The following ZSWIM5 variants were observed in gnomAD, a reference collection of about 807,000 sequenced individuals.
ZSWIM5 encodes the protein zinc finger SWIM-type containing 5.
ZSWIM5 carries 55 observed loss-of-function variants against 119.6 expected under a neutral mutation model. The observed-to-expected ratio is 0.46, with a 90% CI of 0.37 to 0.58. The LOEUF (loss-of-function observed/expected upper bound fraction) is 0.58, where lower values mean the gene tolerates loss of function less well. Ranked by LOEUF, ZSWIM5 falls within the 20% of genes least tolerant of loss-of-function variation. The pLI, the probability that ZSWIM5 is intolerant of heterozygous loss-of-function variation, is 0.00. For missense variants in ZSWIM5, 1,193 were observed against 1,512.8 expected (o/e 0.79, Z 3.51); for synonymous variants, 537 against 606.9 (o/e 0.88, Z 1.69).
chr1:45,183,464 G>T (rs1646035738), intron 1 of ZSWIM5, among the ~76,000 whole-genome samples: 1 of 152,012 alleles, frequency 6.6e-6, no homozygotes, highest in Non-Finnish European at 1.5e-5. Context: ...CCAGGAGCTG[G>T]TTTTTTGAAA....
chr1:45,101,504 C>T (rs1204378242), intron 1 of ZSWIM5, among the ~76,000 whole-genome samples: 1 of 152,154 alleles, frequency 6.6e-6, no homozygotes, highest in African/African-American at 2.4e-5. Flanking sequence ...GGATGTAGAA[C>T]TAGAAATACC....
chr1:45,167,127 A>G (rs1258007273), intron 1 of ZSWIM5, among the ~76,000 whole-genome samples: 1 of 152,070 alleles, frequency 6.6e-6, no homozygotes, highest in Non-Finnish European at 1.5e-5. Flanking sequence ...AAACAGAGAT[A>G]TAGACCCATG....
chr1:45,177,788 T>G (rs1645990000), intron 1 of ZSWIM5, among the ~76,000 whole-genome samples: 2 of 152,076 alleles, frequency 1.3e-5, no homozygotes, highest in African/African-American at 4.8e-5. Flanking sequence ...TTTCCCAGTC[T>G]AATGCAAGCA....
intron 8 of ZSWIM5, among the ~76,000 whole-genome samples, chr1:45,038,432 G>A (rs1644998510): frequency 6.6e-6 from 1 of 151,724 alleles, no homozygotes; most frequent in South Asian, 2.1e-4. Flanking sequence ...AGGCTGGCAA[G>A]GTAAAATGCA....
At chr1:45,154,924 C>G (rs1645818275) in intron 1 of ZSWIM5, among the ~76,000 whole-genome samples, 1 of 152,166 alleles carries the variant, frequency 6.6e-6, no homozygotes, top group South Asian at 2.1e-4. Flanking sequence ...GGACTTAAAT[C>G]TAAGACCTAA....
At chr1:45,104,671 G>T (rs533694029) in intron 1 of ZSWIM5, among the ~76,000 whole-genome samples, 5 of 152,248 alleles carry the variant, frequency 3.3e-5, no homozygotes, top group South Asian at 2.1e-4. Context: ...AGAACTACTT[G>T]GTTTGTTTGT....
intron 1 of ZSWIM5, among the ~76,000 whole-genome samples, chr1:45,153,141 T>A (rs1455620068): frequency 1.4e-5 from 2 of 147,172 alleles, no homozygotes; most frequent in Non-Finnish European, 3.0e-5. Context: ...CTGGTGAGAC[T>A]GCAGAGAAAA....
At chr1:45,120,484 C>G (rs1645584591) in intron 1 of ZSWIM5, among the ~76,000 whole-genome samples, 1 of 151,818 alleles carries the variant, frequency 6.6e-6, no homozygotes, top group South Asian at 2.1e-4. Context: ...CTTCTTCTTT[C>G]AAGGTATTGC....
intron 4 of ZSWIM5, among the ~76,000 whole-genome samples, chr1:45,054,982 T>C (rs1314362161): frequency 2.6e-5 from 4 of 151,976 alleles, no homozygotes; most frequent in Middle Eastern, 3.2e-3. Flanking sequence ...CCTGCCACCA[T>C]GCCCGGTTAA....
At position 45,044,791 on chromosome 1, in the gene ZSWIM5, A is replaced by T. The variant is rs1306662049; in HGVS notation, c.1433-1396T>A. Among the ~76,000 whole-genome samples the T allele has an allele frequency of 5.0e-3, 11 of 2,212 alleles. 5 individuals are homozygous for T. The highest frequency in any genetic ancestry group is 0.027 in the African/African-American group (11 of 414). The allele number at this position is 2,212 out of a possible 152,430, so 1.5% of individuals were successfully genotyped here. A position where few individuals can be genotyped will look rare whatever the true frequency, so the allele number is the denominator to read the frequency against. ...TATATATATAAATATATATATATAA[A>T]TATATATATATAAATATATATATAT... On this transcript the variant is annotated intron_variant, in intron 5 of 13. Coordinates refer to ENST00000359600, the MANE Select transcript of ZSWIM5 (RefSeq NM_020883.2).
intron 1 of ZSWIM5, among the ~76,000 whole-genome samples, chr1:45,112,997 T>A (rs954927929): frequency 6.6e-6 from 1 of 152,252 alleles, no homozygotes; most frequent in African/African-American, 2.4e-5. Context: ...CGAGTCTGAA[T>A]GCTTAATTGA....
chr1:45,132,687 T>C (rs1217465023), intron 1 of ZSWIM5, among the ~76,000 whole-genome samples: 2 of 152,168 alleles, frequency 1.3e-5, no homozygotes, highest in African/African-American at 2.4e-5. Context: ...TATGTATACA[T>C]GTGCCATGTT....
chr1:45,077,745 C>A (rs547010878), intron 2 of ZSWIM5, among the ~76,000 whole-genome samples: 1 of 152,186 alleles, frequency 6.6e-6, no homozygotes, highest in Non-Finnish European at 1.5e-5. Flanking sequence ...GAGACAGGTA[C>A]GCCCCGGGGG....
chr1:45,203,338 G>A (rs1385400337), intron 1 of ZSWIM5, among the ~76,000 whole-genome samples: 1 of 151,866 alleles, frequency 6.6e-6, no homozygotes, highest in Non-Finnish European at 1.5e-5. Context: ...TTGCCTTGAA[G>A]GCTTTTTTGT....
chr1:45,095,300 A>AT (rs1645394360), intron 1 of ZSWIM5, among the ~76,000 whole-genome samples: 2 of 151,252 alleles, frequency 1.3e-5, no homozygotes, highest in South Asian at 2.1e-4. Flanking sequence ...ATTTTTTTTT[A>AT]TTTTTTGTAG....
intron 1 of ZSWIM5, among the ~76,000 whole-genome samples, chr1:45,129,501 C>A (rs184547462): frequency 3.3e-5 from 5 of 152,010 alleles, no homozygotes; most frequent in African/African-American, 9.6e-5. Context: ...GTTTCTCTTT[C>A]TTTTTTTGGT....
Position 45,119,784 on chromosome 1 carries a change from T to C in ZSWIM5, c.596-31547A>G, listed in dbSNP as rs557968370. 3.3e-5 allele frequency among the ~76,000 whole-genome samples: 5 copies of C among 152,340 alleles called. No homozygotes were observed. The South Asian group carries it at 8.3e-4, about 25-fold the overall frequency. On this transcript the variant is annotated intron_variant, in intron 1 of 13. Transcript: ENST00000359600. ...CTCCAAACCTAGCACAGTCTGGTAG[T>C]AATGACTTACAATCCCAAAACTTCT...
In ZSWIM5 at chr1:45,204,924, A is replaced by G. The variant is rs376954963; in HGVS notation, c.595+832T>C. ...CAGAAGCACTGTATTTATATATTTAATAAGATTAACAAACTGACTAGAAGC... is the reference window on the plus strand; with the variant it reads ...CAGAAGCACTGTATTTATATATTTAGTAAGATTAACAAACTGACTAGAAGC... On this transcript the variant is annotated intron_variant, in intron 1 of 13. Transcript: ENST00000359600. Among the ~76,000 whole-genome samples the G allele has an allele frequency of 3.5e-4, 53 of 152,290 alleles. 2 individuals carry two copies. The highest frequency in any genetic ancestry group is 1.3e-3 in the African/African-American group (52 of 41,572).
intron 1 of ZSWIM5, among the ~76,000 whole-genome samples, chr1:45,155,795 C>T (rs1183723197): frequency 1.3e-5 from 2 of 152,188 alleles, no homozygotes; most frequent in Non-Finnish European, 2.9e-5. Flanking sequence ...GAAAACCAAA[C>T]ATCGTTATGT....
Sources: gnomAD v4.1 joint callset for allele counts (sites outside exome capture counted in the v4.1 genomes callset) on GRCh38, gnomAD v4.1.1 for gene constraint, MANE v1.5 for transcripts, NCBI Gene and HGNC (gene_info 2026-07-23, HGNC 2026-07-21) for gene names.